The following MCU variants were observed in gnomAD, a reference collection of about 807,000 sequenced individuals.
MCU encodes the protein mitochondrial calcium uniporter, also known as calcium uniporter protein, mitochondrial.
MCU carries 12 observed loss-of-function variants against 45.2 expected under a neutral mutation model. The ratio of observed to expected loss-of-function variants is 0.27; its 90% CI spans 0.17 to 0.43. The LOEUF is 0.43. Among genes scored for constraint, MCU ranks in the 20% least tolerant of loss-of-function variants. The pLI, the probability that MCU is intolerant of heterozygous loss-of-function variation, is 1.00. For synonymous variants in MCU, 160 were observed against 165.1 expected (o/e 0.97, Z 0.24); for missense variants, 324 against 436.7 (o/e 0.74, Z 2.30).
chr10:72,725,891 GA>G (rs903102318), intron 1 of MCU, among the ~76,000 whole-genome samples: 10 of 151,474 alleles, frequency 6.6e-5, no homozygotes, highest in African/African-American at 2.4e-4. Context: ...TGAAAAAAAA[GA>G]AAAAAAATTA....
intron 1 of MCU, among the ~76,000 whole-genome samples, chr10:72,736,108 T>TA (rs1273024857): frequency 6.6e-6 from 1 of 152,254 alleles, no homozygotes; most frequent in Non-Finnish European, 1.5e-5. Context: ...AAAAGTAACT[T>TA]AGTAAATTAC....
intron 1 of MCU, among the ~76,000 whole-genome samples, chr10:72,775,252 T>C (rs765516966): frequency 6.6e-6 from 1 of 151,748 alleles, no homozygotes; most frequent in Non-Finnish European, 1.5e-5. Context: ...CCCTGGAAAA[T>C]ACACAAACAC....
At chr10:72,867,854 CAAAA>C (rs777086421) in intron 4 of MCU, among the ~76,000 whole-genome samples, 2 of 62,886 alleles carry the variant, frequency 3.2e-5, no homozygotes, top group Non-Finnish European at 3.5e-5. Flanking sequence ...GACTTTGTCT[CAAAA>C]AAAAAAAAAA....
intron 1 of MCU, among the ~76,000 whole-genome samples, chr10:72,727,901 AT>A (rs761774046): frequency 0.017 from 2,478 of 142,666 alleles, 36 homozygotes; most frequent in African/African-American, 0.043. Context: ...TTTAAGCAGA[AT>A]TTTTTTTTTT....
intron 5 of MCU, among the ~76,000 whole-genome samples, chr10:72,870,965 A>T (rs911908560): frequency 2.0e-5 from 3 of 152,114 alleles, no homozygotes; most frequent in Non-Finnish European, 4.4e-5. Context: ...CAGTGGTGTG[A>T]TCTTGGCTCA....
At chr10:72,834,536 G>A in intron 2 of MCU, 108 bp downstream of exon 2, 2 of 871,840 alleles carry the variant, frequency 2.3e-6, no homozygotes, top group Non-Finnish European at 3.6e-6. Flanking sequence ...TTCAGTTAAG[G>A]TGGGCTTAGG....
intron 1 of MCU, among the ~76,000 whole-genome samples, chr10:72,698,653 C>T (rs530372428): frequency 5.9e-5 from 9 of 152,278 alleles, no homozygotes; most frequent in South Asian, 4.1e-4. Context: ...TAAAGGCACG[C>T]GCCACCACGC....
chr10:72,758,745 C>G (rs1254162020), intron 1 of MCU, among the ~76,000 whole-genome samples: 1 of 152,018 alleles, frequency 6.6e-6, no homozygotes, highest in East Asian at 1.9e-4. Flanking sequence ...GTAATTAAAC[C>G]ATGGTTTTCA....
At chr10:72,735,094 C>T (rs1215451410) in intron 1 of MCU, among the ~76,000 whole-genome samples, 1 of 136,316 alleles carries the variant, frequency 7.3e-6, no homozygotes, top group Non-Finnish European at 1.6e-5. Context: ...AAAAATTCGT[C>T]TGTGTTGTAT....
intron 1 of MCU, among the ~76,000 whole-genome samples, chr10:72,782,226 A>C (rs758584384): frequency 1.5e-4 from 23 of 152,154 alleles, no homozygotes; most frequent in Non-Finnish European, 2.8e-4. Flanking sequence ...AGCGATACTT[A>C]AGCTTGTCCA....
rs114648848 is a variant in MCU, at chr10:72,698,016, A to G, written c.150+5715A>G. Among the ~76,000 whole-genome samples the G allele has an allele frequency of 3.2e-3, 489 of 152,176 alleles. 4 individuals carry two copies. Among genetic ancestry groups the G allele is most frequent in the African/African-American group, 0.011 (458 of 41,506 alleles). On this transcript the variant is annotated intron_variant, in intron 1 of 7. Coordinates refer to ENST00000373053, the MANE Select transcript of MCU (RefSeq NM_138357.3). ...GCTGGTTTCTTAACTCCTGGCTTCA[A>G]TAGATCCTCTCACTTTAGCCTCCCA...
rs565211253 is a variant in MCU at position 72,876,734 on chromosome 10, C to A, written c.861+5154C>A. Among the ~76,000 whole-genome samples, 10 of 152,176 alleles carry A rather than the reference C, an allele frequency of 6.6e-5. No individual in the cohort carries two copies. In the South Asian group the frequency reaches 1.9e-3, roughly 28 times the overall value. On this transcript the variant is annotated intron_variant, in intron 6 of 7. Transcript: ENST00000373053. ...ATTTTACACGATTTCCATCAAATTC[C>A]AAGAAGAGGTGGCATTTTCCTATTT... is the stretch of plus-strand genomic sequence containing the variant.
At chr10:72,762,892 C>CAG (rs1843674743) in intron 1 of MCU, among the ~76,000 whole-genome samples, 1 of 152,012 alleles carries the variant, frequency 6.6e-6, no homozygotes, top group South Asian at 2.1e-4. Context: ...AGAAATCTGA[C>CAG]AGAGGTCCCA....
intron 1 of MCU, among the ~76,000 whole-genome samples, chr10:72,748,913 G>A (rs1843455304): frequency 6.6e-6 from 1 of 152,172 alleles, no homozygotes; most frequent in African/African-American, 2.4e-5. Context: ...TTGCCACACA[G>A]CATCCTAAAT....
intron 6 of MCU, among the ~76,000 whole-genome samples, chr10:72,872,245 C>T (rs573708879): frequency 6.6e-6 from 1 of 152,190 alleles, no homozygotes. Context: ...CTCCCTCAAA[C>T]ATGTATTATT....
intron 1 of MCU, among the ~76,000 whole-genome samples, chr10:72,753,053 G>C (rs936219429): frequency 6.6e-5 from 10 of 152,148 alleles, no homozygotes; most frequent in African/African-American, 2.4e-4. Context: ...AAAGTTCAGT[G>C]GTTGTGGTGA....
intron 1 of MCU, among the ~76,000 whole-genome samples, chr10:72,772,477 G>A (rs1388417815): frequency 6.6e-6 from 1 of 152,232 alleles, no homozygotes; most frequent in Non-Finnish European, 1.5e-5. Flanking sequence ...TGGGCAGATT[G>A]CTTGAGGCCA....
intron 6 of MCU, among the ~76,000 whole-genome samples, chr10:72,873,977 G>A (rs1845584566): frequency 6.6e-6 from 1 of 152,178 alleles, no homozygotes; most frequent in African/African-American, 2.4e-5. Context: ...TTTTATGCCA[G>A]TACCATGCTA....
chr10:72,801,326 C>G (rs1844336668), intron 1 of MCU, among the ~76,000 whole-genome samples: 1 of 149,400 alleles, frequency 6.7e-6, no homozygotes, highest in Admixed American at 6.7e-5. Flanking sequence ...ACATAATTTC[C>G]TAGATAGTAT....
Sources: gnomAD v4.1 joint callset for allele counts (sites outside exome capture counted in the v4.1 genomes callset) on GRCh38, gnomAD v4.1.1 for gene constraint, MANE v1.5 for transcripts, NCBI Gene and HGNC (gene_info 2026-07-23, HGNC 2026-07-21) for gene names.